Variants in HIVEP3 observed in about 807,000 individuals in gnomAD.
HIVEP3 encodes transcription factor HIVEP3.
In HIVEP3, 49 loss-of-function variants were observed where a neutral mutation model predicts 152.8. The observed-to-expected ratio is 0.32, with a 90% CI of 0.26 to 0.41. The LOEUF is 0.41. Among genes scored for constraint, HIVEP3 ranks in the 10% least tolerant of loss-of-function variants. The pLI is 1.00. For missense variants in HIVEP3, 2,790 were observed against 3,103.3 expected (o/e 0.90, Z 2.40); for synonymous variants, 1,269 against 1,289.0 (o/e 0.98, Z 0.33).
chr1:41,683,274 C>T (rs1290024253), intron 2 of HIVEP3, among the ~76,000 whole-genome samples: 1 of 152,174 alleles, frequency 6.6e-6, no homozygotes, highest in African/African-American at 2.4e-5. Context: ...ATTTGCAGTC[C>T]GTGTGCCTCA....
At chr1:41,854,413 C>CACCCCACT (rs929752968) in intron 1 of HIVEP3, among the ~76,000 whole-genome samples, 1 of 152,094 alleles carries the variant, frequency 6.6e-6, no homozygotes, top group African/African-American at 2.4e-5. Context: ...GCCTCACCCC[C>CACCCCACT]ACCCCACTGA....
intron 1 of HIVEP3, among the ~76,000 whole-genome samples, chr1:41,934,661 T>A (rs1033124501): frequency 2.0e-5 from 3 of 152,142 alleles, no homozygotes; most frequent in African/African-American, 7.2e-5. Flanking sequence ...GCTTTAGGAA[T>A]GACAGATGTT....
chr1:41,708,702 A>C (rs1231224997), intron 1 of HIVEP3, among the ~76,000 whole-genome samples: 3 of 152,174 alleles, frequency 2.0e-5, no homozygotes, highest in Admixed American at 6.5e-5. Flanking sequence ...TGTTGCTTAC[A>C]CTGAAGAGCC....
intron 1 of HIVEP3, among the ~76,000 whole-genome samples, chr1:41,910,918 G>C (rs12078295): frequency 0.051 from 7,796 of 151,996 alleles, 610 homozygotes; most frequent in African/African-American, 0.17. Flanking sequence ...GAAAGGCAAA[G>C]CTTAAACGTT....
rs549219600 is a variant in HIVEP3, at chr1:41,547,590, C to T, written c.5208-22680G>A. ...AGGTGGCCTGGGGCCAAGGCAGCCT[C>T]CGGCACTCTGGAGGGACCTGGGGAC... On this transcript the variant is annotated intron_variant, in intron 5 of 8. Coordinates refer to ENST00000372583, the MANE Select transcript of HIVEP3 (RefSeq NM_024503.5). 2.1e-3 allele frequency among the ~76,000 whole-genome samples: 325 copies of T among 152,264 alleles called. 1 individual carries two copies. Among genetic ancestry groups the T allele is most frequent in the South Asian group, 5.0e-3 (24 of 4,820 alleles).
chr1:41,786,941 G>A (rs899128228), intron 1 of HIVEP3, among the ~76,000 whole-genome samples: 9 of 151,842 alleles, frequency 5.9e-5, no homozygotes, highest in South Asian at 4.2e-4. Flanking sequence ...TAGTAGACAC[G>A]GAGTTTCACC....
chr1:41,510,760 G>A lies in HIVEP3; in HGVS notation c.6912C>T (p.Pro2304=), dbSNP rs1186586148. The change falls in exon 9 of 9, where the codon CCC becomes CCT. Residue 2304 remains proline, a synonymous_variant. Transcript: ENST00000372583. ...CGGGTGGGGTGCAGGGGCTGTGCGTGGGTGTGGGCTCTGCAGGTGCCCCGG... is the reference window on the plus strand; with the variant it reads ...CGGGTGGGGTGCAGGGGCTGTGCGTAGGTGTGGGCTCTGCAGGTGCCCCGG... ...HGTGAPAEPT[P]THSPCTPPDT... The A allele has an allele frequency of 6.3e-7, 1 of 1,593,968 alleles. No individual in the cohort carries two copies. The highest frequency in any genetic ancestry group is 8.5e-7 in the Non-Finnish European group (1 of 1,170,390).
chr1:41,579,680 A>G (rs1383816186), intron 4 of HIVEP3, 57 bp downstream of exon 4: 3 of 1,508,248 alleles, frequency 2.0e-6, no homozygotes, highest in Admixed American at 2.3e-5. Context: ...TGGCTTTAAA[A>G]GCTCGCCAAG....
chr1:41,801,038 G>C (rs1449795691), intron 1 of HIVEP3, among the ~76,000 whole-genome samples: 1 of 152,200 alleles, frequency 6.6e-6, no homozygotes, highest in East Asian at 1.9e-4. Flanking sequence ...ACTAAGTGGA[G>C]TTAAATAAAG....
intron 1 of HIVEP3, among the ~76,000 whole-genome samples, chr1:41,819,321 T>A (rs1642515931): frequency 6.6e-6 from 1 of 152,180 alleles, no homozygotes; most frequent in Non-Finnish European, 1.5e-5. Context: ...ATTGTTCCAT[T>A]TGTCTTTTTT....
chr1:41,652,933 G>T (rs1645573478), intron 2 of HIVEP3, among the ~76,000 whole-genome samples: 1 of 152,066 alleles, frequency 6.6e-6, no homozygotes, highest in Admixed American at 6.5e-5. Context: ...GTCTCAATGA[G>T]CACACACAAT....
intron 3 of HIVEP3, among the ~76,000 whole-genome samples, chr1:41,615,630 G>T (rs895205820): frequency 6.6e-6 from 1 of 152,166 alleles, no homozygotes; most frequent in Admixed American, 6.5e-5. Flanking sequence ...AACAGGAAAA[G>T]ACTGTGGGCA....
At chr1:41,777,126 C>T (rs752320205) in intron 1 of HIVEP3, among the ~76,000 whole-genome samples, 9 of 152,200 alleles carry the variant, frequency 5.9e-5, no homozygotes, top group Non-Finnish European at 1.2e-4. Flanking sequence ...GGGTGCTGGT[C>T]GCCTGCCAAC....
intron 1 of HIVEP3, among the ~76,000 whole-genome samples, chr1:41,899,500 G>A (rs1173781511): frequency 3.9e-5 from 6 of 152,114 alleles, no homozygotes; most frequent in South Asian, 4.1e-4. Flanking sequence ...TCTGCTGCCC[G>A]GGTTTAAGCA....
intron 1 of HIVEP3, among the ~76,000 whole-genome samples, chr1:41,930,809 G>C (rs1169370660): frequency 6.6e-6 from 1 of 152,094 alleles, no homozygotes; most frequent in African/African-American, 2.4e-5. Flanking sequence ...TTTCTTAACT[G>C]TAGCTATTCT....
chr1:41,922,796 AGAAG>A (rs1344858615), upstream of HIVEP3, among the ~76,000 whole-genome samples: 1 of 151,922 alleles, frequency 6.6e-6, no homozygotes, highest in East Asian at 1.9e-4. Flanking sequence ...TAAAAAAGGA[AGAAG>A]GAAGGAGGGA....
intron 1 of HIVEP3, among the ~76,000 whole-genome samples, chr1:41,837,838 T>C (rs936528206): frequency 1.3e-5 from 2 of 152,208 alleles, no homozygotes; most frequent in Non-Finnish European, 2.9e-5. Context: ...CAGTATTTAT[T>C]CCACATGGCA....
intron 1 of HIVEP3, among the ~76,000 whole-genome samples, chr1:41,948,799 G>A (rs1251374694): frequency 5.3e-5 from 8 of 151,390 alleles, no homozygotes; most frequent in Non-Finnish European, 7.4e-5. Flanking sequence ...CCCATCAGAT[G>A]GCCAAATCAT....
At chr1:41,888,623 C>T (rs1472352187) in intron 1 of HIVEP3, among the ~76,000 whole-genome samples, 3 of 151,828 alleles carry the variant, frequency 2.0e-5, no homozygotes, top group South Asian at 2.1e-4. Flanking sequence ...TCAGATCACA[C>T]CTGACAGAAT....
Sources: gnomAD v4.1 joint callset for allele counts (sites outside exome capture counted in the v4.1 genomes callset) on GRCh38, gnomAD v4.1.1 for gene constraint, MANE v1.5 for transcripts, NCBI Gene and HGNC (gene_info 2026-07-23, HGNC 2026-07-21) for gene names.